The following CLVS1 variants were observed in gnomAD, a reference collection of about 807,000 sequenced individuals.
CLVS1 encodes clavesin-1.
In CLVS1, 10 loss-of-function variants were observed where a neutral mutation model predicts 33.1. That is an observed-to-expected ratio of 0.30 (90% CI 0.19 to 0.51). CLVS1 has a LOEUF of 0.51. CLVS1 is among the 20% of genes least tolerant of loss of function. The pLI, the probability that CLVS1 is intolerant of heterozygous loss-of-function variation, is 0.97. For missense variants in CLVS1, 343 were observed against 433.4 expected (o/e 0.79, Z 1.85); for synonymous variants, 163 against 166.1 (o/e 0.98, Z 0.14).
At chr8:61,217,417 G>A (rs1808111959) in intron 2 of CLVS1, among the ~76,000 whole-genome samples, 1 of 152,120 alleles carries the variant, frequency 6.6e-6, no homozygotes, top group Non-Finnish European at 1.5e-5. Flanking sequence ...CTTCTAAAAT[G>A]TCAATGCTAT....
chr8:61,299,061 G>A (rs539582409), intron 1 of CLVS1, among the ~76,000 whole-genome samples: 2 of 152,146 alleles, frequency 1.3e-5, no homozygotes, highest in Non-Finnish European at 2.9e-5. Context: ...ATTATTGGAG[G>A]TCAAGTTTTC....
chr8:61,078,683 G>T (rs1400810375), intron 1 of CLVS1, among the ~76,000 whole-genome samples: 2 of 152,016 alleles, frequency 1.3e-5, no homozygotes, highest in African/African-American at 4.8e-5. Context: ...TATTTTTGGG[G>T]TGTTAGTCAA....
the CLVS1 span, among the ~76,000 whole-genome samples, chr8:61,010,294 G>A: frequency 2.0e-5 from 3 of 152,334 alleles, no homozygotes; most frequent in East Asian, 5.8e-4. Context: ...GCATCCTGCA[G>A]AAAGCACTCT....
intron 2 of CLVS1, 60 bp from the exon 3 acceptor site, chr8:61,376,545 C>T (rs550591141): frequency 7.1e-5 from 108 of 1,520,544 alleles, no homozygotes; most frequent in South Asian, 3.7e-4. Flanking sequence ...CACTGTTGCA[C>T]GCAACATGCT....
At chr8:61,364,579 TAAG>T (rs1813113580) in intron 2 of CLVS1, among the ~76,000 whole-genome samples, 1 of 152,218 alleles carries the variant, frequency 6.6e-6, no homozygotes, top group Admixed American at 6.5e-5. Context: ...TTCTTATGAT[TAAG>T]AAGGATAGAA....
the CLVS1 span, among the ~76,000 whole-genome samples, chr8:61,012,202 A>G: frequency 1.3e-5 from 2 of 151,814 alleles, no homozygotes; most frequent in Non-Finnish European, 2.9e-5. Context: ...CTCTATCTGG[A>G]GTCTTCTCCT....
intron 5 of CLVS1, among the ~76,000 whole-genome samples, chr8:61,477,948 T>A (rs1818018859): frequency 6.6e-6 from 1 of 152,198 alleles, no homozygotes. Flanking sequence ...TGCTATAAAT[T>A]TCCCTCTACA....
intron 1 of CLVS1, among the ~76,000 whole-genome samples, chr8:61,131,307 T>G (rs1194325330): frequency 6.6e-6 from 1 of 152,186 alleles, no homozygotes; most frequent in African/African-American, 2.4e-5. Context: ...GTGGGTCAGA[T>G]GTAAGGTGAT....
chr8:61,437,260 T>A (rs1207629702), intron 3 of CLVS1, among the ~76,000 whole-genome samples: 1 of 152,160 alleles, frequency 6.6e-6, no homozygotes, highest in African/African-American at 2.4e-5. Flanking sequence ...TTGAATGGGA[T>A]GAAAAAGTCA....
At chr8:60,974,964 T>C in the CLVS1 span, among the ~76,000 whole-genome samples, 2 of 152,264 alleles carry the variant, frequency 1.3e-5, no homozygotes, top group South Asian at 4.1e-4. Flanking sequence ...TCAGAGGTTA[T>C]GATTTGAGTG....
At chr8:61,093,689 G>T (rs6988682) in intron 1 of CLVS1, among the ~76,000 whole-genome samples, 91,974 of 152,104 alleles carry the variant, frequency 0.6, 27,970 homozygotes, top group East Asian at 0.84. Context: ...GATCTTCGTT[G>T]ACTTTTCTTT....
intron 3 of CLVS1, among the ~76,000 whole-genome samples, chr8:61,389,528 A>G (rs1814217833): frequency 1.3e-5 from 2 of 150,970 alleles, no homozygotes; most frequent in African/African-American, 2.5e-5. Flanking sequence ...GGGCGACTCC[A>G]TCTCAAAAAA....
intron 5 of CLVS1, among the ~76,000 whole-genome samples, chr8:61,476,557 C>T (rs1817940179): frequency 6.6e-6 from 1 of 152,150 alleles, no homozygotes; most frequent in Non-Finnish European, 1.5e-5. Context: ...CTCTTTGAAG[C>T]AATTGTGAAT....
chr8:61,386,236 G>A (rs530871483), intron 3 of CLVS1, among the ~76,000 whole-genome samples: 5 of 152,240 alleles, frequency 3.3e-5, no homozygotes, highest in South Asian at 2.1e-4. Flanking sequence ...CAGTAGTTTG[G>A]GGTGTGAGGG....
intron 5 of CLVS1, among the ~76,000 whole-genome samples, chr8:61,475,239 T>C (rs183801530): frequency 6.6e-6 from 1 of 152,338 alleles, no homozygotes; most frequent in Admixed American, 6.5e-5. Context: ...CTATTGTGAA[T>C]AGTGCCGCAA....
At chr8:61,095,877 C>T (rs1433959767) in intron 1 of CLVS1, among the ~76,000 whole-genome samples, 1 of 152,158 alleles carries the variant, frequency 6.6e-6, no homozygotes, top group Non-Finnish European at 1.5e-5. Flanking sequence ...AGATACAGTT[C>T]ATAGCATTAG....
chr8:61,365,336 G>A (rs1192230827), intron 2 of CLVS1, among the ~76,000 whole-genome samples: 2 of 152,096 alleles, frequency 1.3e-5, no homozygotes, highest in Non-Finnish European at 2.9e-5. Context: ...AGATCAGCCT[G>A]GCCAACATGG....
intron 1 of CLVS1, among the ~76,000 whole-genome samples, chr8:61,064,322 A>T (rs1441144284): frequency 6.6e-6 from 1 of 152,214 alleles, no homozygotes; most frequent in Non-Finnish European, 1.5e-5. Context: ...ACGCTGCACC[A>T]TTTTATGCTT....
the CLVS1 span, among the ~76,000 whole-genome samples, chr8:61,031,739 G>C: frequency 6.6e-5 from 10 of 152,322 alleles, no homozygotes; most frequent in African/African-American, 2.2e-4. Flanking sequence ...ATACAGAATG[G>C]GGACAAGGCG....
Sources: allele counts gnomAD v4.1 joint callset (sites outside exome capture counted in the v4.1 genomes callset), GRCh38; gene constraint gnomAD v4.1.1; transcripts MANE v1.5; gene names NCBI Gene and HGNC (gene_info 2026-07-23, HGNC 2026-07-21).